The following PTPN21 variants were observed in gnomAD, a reference collection of about 807,000 sequenced individuals.
PTPN21 encodes the protein protein tyrosine phosphatase non-receptor type 21.
In PTPN21, 77 loss-of-function variants were observed where a neutral mutation model predicts 131.8. The observed-to-expected ratio is 0.58, with a 90% CI of 0.49 to 0.71. The LOEUF is 0.71. Ranked by LOEUF, PTPN21 falls within the 30% of genes least tolerant of loss-of-function variation. The pLI is 0.00. For synonymous variants in PTPN21, 715 were observed against 621.3 expected (o/e 1.15, Z -2.24); for missense variants, 1,552 against 1,527.1 (o/e 1.02, Z -0.27).
intron 13 of PTPN21, among the ~76,000 whole-genome samples, chr14:88,476,981 T>C (rs2077555782): frequency 6.6e-6 from 1 of 152,176 alleles, no homozygotes; most frequent in Non-Finnish European, 1.5e-5. Context: ...TACTGAGCTG[T>C]ACTCAGATAG....
chr14:88,483,922 C>G lies in PTPN21; in HGVS notation c.1078+1154G>C, dbSNP rs149512335. ...GGCAGAGGCAGGAGGATAGCTTGGG[C>G]CCAGGAGATTGAGACCACCCTGAGC... On this transcript the variant is annotated intron_variant, in intron 12 of 18. Coordinates refer to ENST00000556564, the MANE Select transcript of PTPN21 (RefSeq NM_007039.4). Among the ~76,000 whole-genome samples the G allele has an allele frequency of 2.1e-3, 326 of 152,204 alleles. 1 individual carries two copies. The highest frequency in any genetic ancestry group is 7.5e-3 in the African/African-American group (312 of 41,514).
intron 10 of PTPN21, among the ~76,000 whole-genome samples, chr14:88,493,559 G>A (rs561651010): frequency 2.6e-5 from 4 of 152,324 alleles, no homozygotes; most frequent in African/African-American, 9.6e-5. Flanking sequence ...AGAGGCACAT[G>A]CTCAGATTTG....
chr14:88,467,991 C>T lies in PTPN21; in HGVS notation c.*146G>A, dbSNP rs560507130. ...CCTGTGCTTCGCACGTTTCCTTCAGCGTGCCGCCATTCAGACTGCGCCACT... is the reference window on the plus strand; with the variant it reads ...CCTGTGCTTCGCACGTTTCCTTCAGTGTGCCGCCATTCAGACTGCGCCACT... On this transcript the variant is annotated 3_prime_UTR_variant, in exon 19 of 19. Coordinates refer to ENST00000556564, the MANE Select transcript of PTPN21 (RefSeq NM_007039.4). 4.9e-5 allele frequency: 50 copies of T among 1,021,492 alleles called. No homozygotes were observed. Among genetic ancestry groups the T allele is most frequent in the African/African-American group, 3.6e-4 (22 of 61,708 alleles). 63.3% of individuals were successfully genotyped at this position (1,021,492 alleles called of 1,614,324 possible). A position where few individuals can be genotyped will look rare whatever the true frequency, so the allele number is the denominator to read the frequency against.
chr14:88,479,578 T>G lies in PTPN21; in HGVS notation c.1853A>C (p.Gln618Pro). 6.3e-7 allele frequency: 1 copy of G among 1,593,628 alleles called. No homozygotes were observed. The highest frequency in any genetic ancestry group is 8.5e-7 in the Non-Finnish European group (1 of 1,176,178). Reference sequence around the variant, plus strand: ...GGCGGTGAGGGGCTCGCTGACCTCCTGCAGCGAGTGCGCCACGGGCAGGCT... The same window carrying G: ...GGCGGTGAGGGGCTCGCTGACCTCCGGCAGCGAGTGCGCCACGGGCAGGCT... ...EDSLPVAHSL[Q>P]EVSEPLTAAR... Residue 618 changes from glutamine (Q) to proline (P), a missense_variant, in exon 13 of 19, where the codon CAG becomes CCG. Physicochemically the swap from Gln to Pro is moderately conservative, Grantham distance 76. Transcript: ENST00000556564.
chr14:88,471,733 T>G (rs2077472104), intron 15 of PTPN21, among the ~76,000 whole-genome samples: 1 of 152,096 alleles, frequency 6.6e-6, no homozygotes. Context: ...CATGTCAGTA[T>G]GTGATGAGGA....
At chr14:88,515,923 T>C (rs1434252312) in intron 3 of PTPN21, among the ~76,000 whole-genome samples, 2 of 152,216 alleles carry the variant, frequency 1.3e-5, no homozygotes, top group Non-Finnish European at 2.9e-5. Context: ...CTCTTCAATA[T>C]TTCTATCTCA....
At chr14:88,500,959 T>C (rs2077999234) in intron 7 of PTPN21, 88 bp from the exon 8 acceptor site, 2 of 951,672 alleles carry the variant, frequency 2.1e-6, no homozygotes, top group Admixed American at 3.7e-5. Flanking sequence ...TTCCCAGATG[T>C]AGAAAGTTCC....
At position 88,550,380 on chromosome 14, in the gene PTPN21, C is replaced by T; in HGVS notation, c.38G>A (p.Arg13Gln). 1.9e-6 allele frequency: 3 copies of T among 1,614,092 alleles called. No homozygotes were observed. The highest frequency in any genetic ancestry group is 1.1e-5 in the South Asian group (1 of 91,070). Residue 13 changes from arginine (R) to glutamine (Q), a missense_variant, in exon 2 of 19, where the codon CGG (arginine) becomes CAG (glutamine). Coordinates refer to ENST00000556564, the MANE Select transcript of PTPN21 (RefSeq NM_007039.4). ...ACTCTTGCTGGACACCGTGTAGCGC[C>T]GGGTGCGTTTCAGTTTCAACCCAAA... The part of the protein sequence containing the change: ...LPFGLKLKRT[R>Q]RYTVSSKSCL...
chr14:88,538,783 C>T (rs2078664328), intron 2 of PTPN21, among the ~76,000 whole-genome samples: 1 of 152,172 alleles, frequency 6.6e-6, no homozygotes, highest in Non-Finnish European at 1.5e-5. Context: ...CGCCATGTAA[C>T]CATGAGCAAG....
chr14:88,554,684 C>G lies in PTPN21; in HGVS notation c.-236G>C, dbSNP rs1300183710. 1.3e-5 allele frequency: 2 copies of G among 148,306 alleles called. No homozygotes were observed. The highest frequency in any genetic ancestry group is 6.7e-5 in the Admixed American group (1 of 14,914). The allele number at this position is 148,306 out of a possible 1,614,324, so 9.2% of individuals were successfully genotyped here. On this transcript the variant is annotated 5_prime_UTR_variant, in exon 1 of 19. Coordinates refer to ENST00000556564, the MANE Select transcript of PTPN21 (RefSeq NM_007039.4). Reference sequence around the variant, plus strand: ...GCTCCCGCTCCCGCATCCTCGGGGCCGCGCGCCCCGCTCAGCGACCCGCCT... The same window carrying G: ...GCTCCCGCTCCCGCATCCTCGGGGCGGCGCGCCCCGCTCAGCGACCCGCCT...
At chr14:88,493,078 G>T (rs1410071075) in intron 10 of PTPN21, 1 of 456,640 alleles carries the variant, frequency 2.2e-6, no homozygotes, top group South Asian at 1.5e-5. Flanking sequence ...TAGTTGTGTG[G>T]CAGGGCAAGA....
intron 2 of PTPN21, among the ~76,000 whole-genome samples, chr14:88,525,629 G>C (rs1485960573): frequency 6.6e-6 from 1 of 152,112 alleles, no homozygotes; most frequent in Non-Finnish European, 1.5e-5. Flanking sequence ...CAGCTGCTGT[G>C]GAAAAGTTTG....
At chr14:88,542,903 TCTTA>T (rs1566853352) in intron 2 of PTPN21, among the ~76,000 whole-genome samples, 1 of 152,172 alleles carries the variant, frequency 6.6e-6, no homozygotes, top group Non-Finnish European at 1.5e-5. Flanking sequence ...TCTACCTCGG[TCTTA>T]CTTGTTTTAT....
At chr14:88,514,278 T>A (rs2078228643) in intron 3 of PTPN21, among the ~76,000 whole-genome samples, 1 of 152,188 alleles carries the variant, frequency 6.6e-6, no homozygotes, top group African/African-American at 2.4e-5. Flanking sequence ...ACAGACGAAT[T>A]ATTCCCAAGC....
intron 2 of PTPN21, among the ~76,000 whole-genome samples, chr14:88,540,181 A>T (rs180753157): frequency 7.2e-5 from 11 of 152,228 alleles, no homozygotes; most frequent in African/African-American, 2.7e-4. Context: ...ACAAATTTAC[A>T]TGATGAAACA....
chr14:88,473,678 G>A lies in PTPN21; in HGVS notation c.2636C>T (p.Thr879Met), dbSNP rs921172790. ...TCCCATACATACCCTTTCATCATTC[G>A]TTGCTCTGGTAGCCACTTCCTTTCC... ...DEGKEVATRA[T>M]NDERCKILEQ... Residue 879 changes from threonine (T) to methionine (M), a missense_variant, in exon 14 of 19, where the codon ACG (threonine) becomes ATG (methionine). Transcript: ENST00000556564. 1.9e-5 allele frequency: 30 copies of A among 1,612,408 alleles called. No individual in the cohort carries two copies. The highest frequency in any genetic ancestry group is 3.3e-4 in the Middle Eastern group (2 of 6,076).
intron 3 of PTPN21, among the ~76,000 whole-genome samples, chr14:88,516,029 A>G (rs1318175796): frequency 6.6e-6 from 1 of 152,130 alleles, no homozygotes; most frequent in African/African-American, 2.4e-5. Context: ...CTCAAACAGC[A>G]CTCCACAAAC....
intron 10 of PTPN21, among the ~76,000 whole-genome samples, chr14:88,486,581 C>A: frequency 6.6e-6 from 1 of 152,062 alleles, no homozygotes; most frequent in East Asian, 1.9e-4. Flanking sequence ...CTCTAAGGAA[C>A]CAAGGGAAAG....
At chr14:88,484,047 GT>G (rs57042782) in intron 12 of PTPN21, among the ~76,000 whole-genome samples, 1,719 of 143,622 alleles carry the variant, frequency 0.012, 14 homozygotes, top group Non-Finnish European at 0.019. Flanking sequence ...ATTCTAAGGT[GT>G]TTTTTTTTTT....
Sources: allele counts gnomAD v4.1 joint callset (sites outside exome capture counted in the v4.1 genomes callset), GRCh38; gene constraint gnomAD v4.1.1; transcripts MANE v1.5; gene names NCBI Gene and HGNC (gene_info 2026-07-23, HGNC 2026-07-21).